CLEC19A: variants seen among roughly 807,000 people sequenced by gnomAD.
CLEC19A encodes the protein C-type lectin domain containing 19A, also known as C-type lectin domain family 19 member A.
In CLEC19A, 21 loss-of-function variants were observed where a neutral mutation model predicts 26.1. The ratio of observed to expected loss-of-function variants is 0.80; its 90% CI spans 0.57 to 1.16. The LOEUF is 1.16. CLEC19A is among the 50% of genes most tolerant of loss of function. The pLI, the probability that CLEC19A is intolerant of heterozygous loss-of-function variation, is 0.00. For synonymous variants in CLEC19A, 89 were observed against 88.6 expected, an observed-to-expected ratio of 1.00 and a Z score of -0.03; for missense variants, 224 against 227.6, an observed-to-expected ratio of 0.98 and a Z score of 0.10.
intron 2 of CLEC19A, 142 bp from the exon 3 acceptor site, chr16:19,303,920 A>T (rs1042027369): frequency 6.5e-5 from 42 of 649,502 alleles, no homozygotes; most frequent in Non-Finnish European, 1.1e-4. Context: ...TGGGTGACTT[A>T]ATGAAAAATG....
At chr16:19,297,992 T>C (rs2143009749) in intron 1 of CLEC19A, among the ~76,000 whole-genome samples, 1 of 152,090 alleles carries the variant, frequency 6.6e-6, no homozygotes. Flanking sequence ...TCACGTCTTC[T>C]GTAATCCTAG....
intron 1 of CLEC19A, among the ~76,000 whole-genome samples, chr16:19,286,421 C>A (rs185750779): frequency 6.6e-6 from 1 of 152,266 alleles, no homozygotes; most frequent in South Asian, 2.1e-4. Context: ...AGGTTAGGTG[C>A]GCAGGGAGGG....
chr16:19,288,744 C>A (rs1039503647), intron 1 of CLEC19A, among the ~76,000 whole-genome samples: 1 of 152,158 alleles, frequency 6.6e-6, no homozygotes, highest in East Asian at 1.9e-4. Flanking sequence ...ATTTATTATT[C>A]TTCTTCGACC....
intron 3 of CLEC19A, chr16:19,304,393 TC>T: frequency 4.7e-6 from 1 of 210,636 alleles, no homozygotes; most frequent in Non-Finnish European, 8.3e-6. Flanking sequence ...GCTTGGGTTC[TC>T]TTAAAAAAAA....
At chr16:19,308,264 C>T (rs1233004513) in intron 4 of CLEC19A, among the ~76,000 whole-genome samples, 2 of 152,180 alleles carry the variant, frequency 1.3e-5, no homozygotes, top group African/African-American at 4.8e-5. Flanking sequence ...TGATATAGCA[C>T]CGTGGCAAGA....
chr16:19,306,768 A>G (rs1229025553), intron 3 of CLEC19A, among the ~76,000 whole-genome samples: 1 of 152,184 alleles, frequency 6.6e-6, no homozygotes, highest in African/African-American at 2.4e-5. Context: ...ACTGGGGCTC[A>G]GAGAGGTTAA....
chr16:19,308,364 C>G (rs951951052), intron 4 of CLEC19A, among the ~76,000 whole-genome samples: 2 of 152,130 alleles, frequency 1.3e-5, no homozygotes, highest in Admixed American at 1.3e-4. Context: ...CTCTTGGTGC[C>G]TCAGATTCTT....
At chr16:19,292,108 T>C (rs143552204) in intron 1 of CLEC19A, among the ~76,000 whole-genome samples, 1 of 152,312 alleles carries the variant, frequency 6.6e-6, no homozygotes, top group Non-Finnish European at 1.5e-5. Context: ...TTCATTTAAT[T>C]AATTATTAAT....
chr16:19,297,165 T>C (rs534185048), intron 1 of CLEC19A, among the ~76,000 whole-genome samples: 2 of 152,342 alleles, frequency 1.3e-5, no homozygotes, highest in South Asian at 4.1e-4. Context: ...ATGGGGTTTT[T>C]AAAAATTTGT....
intron 2 of CLEC19A, among the ~76,000 whole-genome samples, chr16:19,299,180 T>C (rs968408791): frequency 2.0e-5 from 3 of 152,232 alleles, no homozygotes; most frequent in African/African-American, 7.2e-5. Context: ...GATCCACCTT[T>C]ATAAGTGCCA....
intron 2 of CLEC19A, among the ~76,000 whole-genome samples, chr16:19,302,551 G>C (rs1237236750): frequency 1.3e-5 from 2 of 152,150 alleles, no homozygotes; most frequent in Admixed American, 6.5e-5. Flanking sequence ...TAGGTCTATG[G>C]CTGATTATTA....
chr16:19,301,736 G>GT lies in CLEC19A; in HGVS notation c.255-2298dup, dbSNP rs1171248968. Among the ~76,000 whole-genome samples, 777 of 81,362 alleles carry GT rather than the reference G, an allele frequency of 9.5e-3. 27 individuals are homozygous for GT. The highest frequency in any genetic ancestry group is 0.013 in the East Asian group (47 of 3,486). 53.4% of individuals were successfully genotyped at this position (81,362 alleles called of 152,430 possible). On this transcript the variant is annotated intron_variant, in intron 2 of 4. Transcript: ENST00000636231. ...ATGACACCATGCCCAGGTTTTTTTG[G>GT]TTTTTTTTTTTTTTTTTTTTTTTTT...
chr16:19,310,865 T>C lies in CLEC19A; in HGVS notation c.*1782T>C, dbSNP rs1057213632. 1 of 152,240 alleles carries C rather than the reference T, an allele frequency of 6.6e-6. No homozygotes were observed. The highest frequency in any genetic ancestry group is 1.5e-5 in the Non-Finnish European group (1 of 68,050). The allele number at this position is 152,240 out of a possible 1,614,324, so 9.4% of individuals were successfully genotyped here. On this transcript the variant is annotated 3_prime_UTR_variant, in exon 5 of 5. Transcript: ENST00000636231. ...ATTATCTGCAATTAGATAGTGGTAA[T>C]GGCTGCACAATATTGTAAATGTACA...
At position 19,294,641 on chromosome 16, in the gene CLEC19A, A is replaced by C. The variant is rs1897666711; in HGVS notation, c.89-4032A>C. 2.0e-5 allele frequency among the ~76,000 whole-genome samples: 3 copies of C among 152,218 alleles called. No homozygotes were observed. In the South Asian group the frequency reaches 6.2e-4, roughly 31 times the overall value. ...AAAGTGCTAGACTTCCCTTCTGCAG[A>C]CTTCTTTAGTGAGGTCCATGTCGTT... On this transcript the variant is annotated intron_variant, in intron 1 of 4. Transcript: ENST00000636231.
In CLEC19A at chr16:19,307,404, T is replaced by C. The variant is rs1897979627; in HGVS notation, c.349-141T>C. 1.2e-5 allele frequency: 10 copies of C among 859,294 alleles called. No homozygotes were observed. The South Asian group carries it at 1.8e-4, about 15-fold the overall frequency. The allele number at this position is 859,294 out of a possible 1,614,324, so 53.2% of individuals were successfully genotyped here. On this transcript the variant is annotated intron_variant, in intron 3 of 4. Coordinates refer to ENST00000636231, the MANE Select transcript of CLEC19A (RefSeq NM_001256720.2). Reference sequence around the variant, plus strand: ...TCAGATTGGTAGCAGTAGTGCCAGATAGCAGTAGCCTCAATGAAGACATCT... The same window carrying C: ...TCAGATTGGTAGCAGTAGTGCCAGACAGCAGTAGCCTCAATGAAGACATCT...
At chr16:19,286,075 AC>A in intron 1 of CLEC19A, 136 bp downstream of exon 1, 1 of 803,324 alleles carries the variant, frequency 1.2e-6, no homozygotes, top group Non-Finnish European at 2.0e-6. Flanking sequence ...CTTTCCCCCT[AC>A]CAGCTTTGTC....
chr16:19,289,107 A>G (rs1032833382), intron 1 of CLEC19A, among the ~76,000 whole-genome samples: 1 of 152,170 alleles, frequency 6.6e-6, no homozygotes, highest in African/African-American at 2.4e-5. Context: ...TCCCACTAGG[A>G]CCATCTGACT....
rs1898031377 is a variant in CLEC19A at position 19,309,702 on chromosome 16, T to A, written c.*619T>A. 1 of 152,322 alleles carries A rather than the reference T, an allele frequency of 6.6e-6. No homozygotes were observed. The highest frequency in any genetic ancestry group is 1.5e-5 in the Non-Finnish European group (1 of 68,194). The allele number at this position is 152,322 out of a possible 1,614,324, so 9.4% of individuals were successfully genotyped here. A position where few individuals can be genotyped will look rare whatever the true frequency, so the allele number is the denominator to read the frequency against. ...GTGCAATGATGCAATCACAGCTCAC[T>A]GCAGCCTCAACCTCCTGGGCTCAGG... On this transcript the variant is annotated 3_prime_UTR_variant, in exon 5 of 5. Transcript: ENST00000636231.
At chr16:19,290,294 A>G (rs1352326046) in intron 1 of CLEC19A, among the ~76,000 whole-genome samples, 1 of 151,998 alleles carries the variant, frequency 6.6e-6, no homozygotes, top group East Asian at 1.9e-4. Flanking sequence ...CCTGGTTTCC[A>G]GAGCAACAGC....
Sources: gnomAD v4.1 joint callset for allele counts (sites outside exome capture counted in the v4.1 genomes callset) on GRCh38, gnomAD v4.1.1 for gene constraint, MANE v1.5 for transcripts, NCBI Gene and HGNC (gene_info 2026-07-23, HGNC 2026-07-21) for gene names.